EXOC3L4: variants seen among roughly 807,000 people sequenced by gnomAD.
The protein encoded by EXOC3L4 is exocyst complex component 3 like 4, also known as exocyst complex component 3-like protein 4.
Under a neutral mutation model 69.7 loss-of-function variants are expected in EXOC3L4, and 62 were observed. The ratio of observed to expected loss-of-function variants is 0.89; its 90% CI spans 0.72 to 1.10. The LOEUF is 1.10. Among genes scored for constraint, EXOC3L4 ranks in the 50% least tolerant of loss-of-function variants. EXOC3L4 has a pLI of 0.00. For missense variants in EXOC3L4, 1,087 were observed against 1,034.8 expected, an observed-to-expected ratio of 1.05 and a Z score of -0.69; for synonymous variants, 502 against 464.2, an observed-to-expected ratio of 1.08 and a Z score of -1.05.
intron 2 of EXOC3L4, 92 bp from the exon 3 acceptor site, chr14:103,102,026 C>A: frequency 7.5e-7 from 1 of 1,342,134 alleles, no homozygotes; most frequent in African/African-American, 1.5e-5. Flanking sequence ...GACAATCCAG[C>A]CCCGATGGAT....
chr14:103,095,144 C>A (rs1250993292), intron 1 of EXOC3L4, among the ~76,000 whole-genome samples: 1 of 152,222 alleles, frequency 6.6e-6, no homozygotes, highest in Non-Finnish European at 1.5e-5. Flanking sequence ...CATGCACATA[C>A]AGGGAGACAC....
Position 103,102,541 on chromosome 14 carries a change from C to T in EXOC3L4, c.818C>T (p.Ser273Leu), listed in dbSNP as rs549913822. Residue 273 changes from serine to leucine, a missense_variant, in exon 3 of 12, where the codon TCG (serine) becomes TTG (leucine). By Grantham distance (145) the Ser-to-Leu change is moderately radical (BLOSUM62 -2). Coordinates refer to ENST00000688303, the MANE Select transcript of EXOC3L4 (RefSeq NM_001077594.2). ...GCCTTCGGGGAGGCGGAGGGCGCGTCGGGTTTGGCCCAGCTTCTGGCCGAG... is the reference window on the plus strand; with the variant it reads ...GCCTTCGGGGAGGCGGAGGGCGCGTTGGGTTTGGCCCAGCTTCTGGCCGAG... ...GWAFGEAEGA[S>L]GLAQLLAELG... is the part of the protein sequence containing the mutation. 6 of 1,411,988 alleles carry T rather than the reference C, an allele frequency of 4.2e-6. No individual in the cohort carries two copies. The African/African-American group carries it at 6.0e-5, about 14-fold the overall frequency. 87.5% of individuals were successfully genotyped at this position (1,411,988 alleles called of 1,614,324 possible). A position where few individuals can be genotyped will look rare whatever the true frequency, so the allele number is the denominator to read the frequency against.
At chr14:103,101,377 C>T (rs1227785744) in intron 2 of EXOC3L4, among the ~76,000 whole-genome samples, 1 of 152,192 alleles carries the variant, frequency 6.6e-6, no homozygotes, top group Non-Finnish European at 1.5e-5. Context: ...TAAATTCTTG[C>T]AGCATCTCTG....
Position 103,102,142 on chromosome 14 carries a change from T to C in EXOC3L4, c.419T>C (p.Ile140Thr), listed in dbSNP as rs1204776274. The C allele has an allele frequency of 1.9e-6, 3 of 1,606,000 alleles. No homozygotes were observed. The highest frequency in any genetic ancestry group is 2.7e-5 in the African/African-American group (2 of 74,704). ...EAEGKSVADL[I>T]TERQLLAAFE... ...GAAGGCAAATCCGTGGCCGACCTCA[T>C]TACTGAACGGCAACTGCTGGCGGCC... is the stretch of plus-strand genomic sequence containing the variant. Residue 140 changes from isoleucine to threonine, a missense_variant, in exon 3 of 12, where the codon ATT becomes ACT. Transcript: ENST00000688303.
chr14:103,109,920 G>A, intron 11 of EXOC3L4, 111 bp from the exon 12 acceptor site: 1 of 1,184,188 alleles, frequency 8.4e-7, no homozygotes, highest in East Asian at 2.7e-5. Context: ...TGACCATCCT[G>A]GAATGCAGAG....
chr14:103,106,123 C>T (rs1173812615), intron 7 of EXOC3L4, among the ~76,000 whole-genome samples: 1 of 152,260 alleles, frequency 6.6e-6, no homozygotes, highest in Non-Finnish European at 1.5e-5. Flanking sequence ...TACCCACGCA[C>T]AGGTGCAGAG....
rs1358354757 is a variant in EXOC3L4 at position 103,103,368 on chromosome 14, A to AAAAAAAAAAG, written c.1050-570_1050-569insAAAAAAGAAA. On this transcript the variant is annotated intron_variant, in intron 3 of 11. Transcript: ENST00000688303. ...AGACTCTGTCTCAAAAAAAAAAAAA[A>AAAAAAAAAAG]AAAGAAAGAAAGAAAGAAAAGAAAA... 2.6e-4 allele frequency among the ~76,000 whole-genome samples: 38 copies of AAAAAAAAAAG among 146,106 alleles called. 1 individual carries two copies. The highest frequency in any genetic ancestry group is 4.9e-4 in the Non-Finnish European group (33 of 67,478).
rs1235184300 is a variant in EXOC3L4, at chr14:103,097,860, TC to T, written c.-16-2342del. ...AAGAAGCTGGGTGGGGTGCAGGTTG[TC>T]CGTGAACCCCAGGGGAAGCTGGTGA... On this transcript the variant is annotated intron_variant, in intron 1 of 11. Coordinates refer to ENST00000688303, the MANE Select transcript of EXOC3L4 (RefSeq NM_001077594.2). This position sits in a 1 kb window ranked among gnomAD's most constrained non-coding sequence, Gnocchi z 4.9. Among the ~76,000 whole-genome samples, 1 of 151,814 alleles carries T rather than the reference TC, an allele frequency of 6.6e-6. No homozygotes were observed. The highest frequency in any genetic ancestry group is 2.4e-5 in the African/African-American group (1 of 41,286).
chr14:103,107,506 C>T lies in EXOC3L4; in HGVS notation c.1664C>T (p.Ala555Val). Reference sequence around the variant, plus strand: ...CTCATGGACAAGGTGGTGACCTTCGCCGGTCATCTCCAGCGTGTGGCCCGG... The same window carrying T: ...CTCATGGACAAGGTGGTGACCTTCGTCGGTCATCTCCAGCGTGTGGCCCGG... ...HPLMDKVVTF[A>V]GHLQRVARPR... is the part of the protein sequence containing the mutation. The change falls in exon 9 of 12, where the codon GCC becomes GTC. Residue 555 changes from alanine (A) to valine (V), a missense_variant. Physicochemically the swap from Ala to Val is moderately conservative, Grantham distance 64. Transcript: ENST00000688303. 1.9e-6 allele frequency: 3 copies of T among 1,613,766 alleles called. No homozygotes were observed. Among genetic ancestry groups the T allele is most frequent in the Non-Finnish European group, 2.5e-6 (3 of 1,180,026 alleles).
rs927454407 is a variant in EXOC3L4, at chr14:103,104,315, C to G, written c.1210C>G (p.His404Asp). 6.3e-7 allele frequency: 1 copy of G among 1,594,390 alleles called. No individual in the cohort carries two copies. Among genetic ancestry groups the G allele is most frequent in the Non-Finnish European group, 8.5e-7 (1 of 1,172,382 alleles). The change falls in exon 5 of 12, where the codon CAC becomes GAC. Residue 404 changes from histidine (H) to aspartate (D), a missense_variant. By Grantham distance (81) the His-to-Asp change is moderately conservative (BLOSUM62 -1). Transcript: ENST00000688303. ...CAGCATCTTGCAGCTGGAGCAGAGT[C>G]ACTGGGCGGCCGCCGAGGTCCCCGA... ...FDSILQLEQS[H>D]WAAAEVPEVL...
rs1323551533 is a variant in EXOC3L4 at position 103,108,410 on chromosome 14, A to C, written c.1869A>C (p.Thr623=). The change falls in exon 11 of 12, where the codon ACA becomes ACC. Residue 623 remains threonine (T), a synonymous_variant. Coordinates refer to ENST00000688303, the MANE Select transcript of EXOC3L4 (RefSeq NM_001077594.2). ...DTFQGLGSEA[T]WLDQAIQCVA... ...CTGTCTCGCAGGGTTCCGAGGCCAC[A>C]TGGTTGGACCAAGCCATCCAGTGCG... 1 of 1,613,774 alleles carries C rather than the reference A, an allele frequency of 6.2e-7. No individual in the cohort carries two copies. The highest frequency in any genetic ancestry group is 8.5e-7 in the Non-Finnish European group (1 of 1,179,794).
chr14:103,105,745 C>T (rs1296849034), intron 7 of EXOC3L4, among the ~76,000 whole-genome samples: 4 of 152,330 alleles, frequency 2.6e-5, no homozygotes, highest in African/African-American at 4.8e-5. Flanking sequence ...GTTGGCCTTC[C>T]GTGCCCTCAG....
chr14:103,109,215 TC>T lies in EXOC3L4; in HGVS notation c.1976+701del, dbSNP rs200950040. Among the ~76,000 whole-genome samples, 86 of 39,092 alleles carry T rather than the reference TC, an allele frequency of 2.2e-3. 1 individual carries two copies. Among genetic ancestry groups the T allele is most frequent in the African/African-American group, 4.4e-3 (36 of 8,108 alleles). 25.6% of individuals were successfully genotyped at this position (39,092 alleles called of 152,430 possible). A position where few individuals can be genotyped will look rare whatever the true frequency, so the allele number is the denominator to read the frequency against. On this transcript the variant is annotated intron_variant, in intron 11 of 11. Coordinates refer to ENST00000688303, the MANE Select transcript of EXOC3L4 (RefSeq NM_001077594.2). ...TCGCCACCCTGTCCCCATGTCTCCCTCCCTCCCTCCCTCTCCACCCTGTCCC... is the reference window on the plus strand; with the variant it reads ...TCGCCACCCTGTCCCCATGTCTCCCTCCTCCCTCCCTCTCCACCCTGTCCC...
At position 103,102,708 on chromosome 14, in the gene EXOC3L4, C is replaced by T. The variant is rs1890277590; in HGVS notation, c.985C>T (p.Arg329Cys). The change falls in exon 3 of 12, where the codon CGC (arginine) becomes TGC (cysteine). Residue 329 changes from arginine to cysteine, a missense_variant. By Grantham distance (180) the Arg-to-Cys change is radical. Coordinates refer to ENST00000688303, the MANE Select transcript of EXOC3L4 (RefSeq NM_001077594.2). ...AVAQRLQELA[R>C]DARGCEQLYI... Reference sequence around the variant, plus strand: ...GGCCCAGCGCCTCCAGGAGCTCGCGCGCGACGCCCGCGGCTGCGAGCAGCT... The same window carrying T: ...GGCCCAGCGCCTCCAGGAGCTCGCGTGCGACGCCCGCGGCTGCGAGCAGCT... The T allele has an allele frequency of 2.1e-6, 3 of 1,458,914 alleles. No homozygotes were observed. Among genetic ancestry groups the T allele is most frequent in the Non-Finnish European group, 1.8e-6 (2 of 1,109,878 alleles). 90.4% of individuals were successfully genotyped at this position (1,458,914 alleles called of 1,614,324 possible).
intron 2 of EXOC3L4, 113 bp downstream of exon 2, chr14:103,100,726 C>T (rs1890142134): frequency 7.0e-6 from 9 of 1,291,738 alleles, no homozygotes; most frequent in South Asian, 1.6e-5. Context: ...ACCCTGCCCC[C>T]GAACATGTGC....
intron 7 of EXOC3L4, among the ~76,000 whole-genome samples, chr14:103,105,753 C>G (rs1282255442): frequency 6.6e-6 from 1 of 152,234 alleles, no homozygotes; most frequent in African/African-American, 2.4e-5. Context: ...TCCGTGCCCT[C>G]AGCTCCAGGC....
chr14:103,100,530 C>T lies in EXOC3L4; in HGVS notation c.311C>T (p.Pro104Leu), dbSNP rs1890122692. ...GCTACCGGCCATTCCCAGGCCACTC[C>T]TGAGGTGCCCTCGGGGGTCATGAAT... Reference protein sequence around the residue: ...GPATGHSQATPEVPSGVMNGV... With the variant: ...GPATGHSQATLEVPSGVMNGV... Residue 104 changes from proline to leucine, a missense_variant, in exon 2 of 12, where the codon CCT becomes CTT. Pro to Leu is a moderately conservative substitution (Grantham distance 98). Coordinates refer to ENST00000688303, the MANE Select transcript of EXOC3L4 (RefSeq NM_001077594.2). 6 of 1,612,874 alleles carry T rather than the reference C, an allele frequency of 3.7e-6. No individual in the cohort carries two copies. In the South Asian group the frequency reaches 5.5e-5, roughly 15 times the overall value.
At position 103,097,001 on chromosome 14, in the gene EXOC3L4, C is replaced by T. The variant is rs982163834; in HGVS notation, c.-17+2161C>T. Among the ~76,000 whole-genome samples, 3 of 152,064 alleles carry T rather than the reference C, an allele frequency of 2.0e-5. No individual in the cohort carries two copies. Among genetic ancestry groups the T allele is most frequent in the Non-Finnish European group, 2.9e-5 (2 of 68,018 alleles). On this transcript the variant is annotated intron_variant, in intron 1 of 11. Coordinates refer to ENST00000688303, the MANE Select transcript of EXOC3L4 (RefSeq NM_001077594.2). This position sits in a 1 kb window ranked among gnomAD's most constrained non-coding sequence, Gnocchi z 4.9. ...TCCTTTGGAGCGTTGAGGAGTGGAGCGATGGTCCAGTCCCAGCGTAGTTGG... is the reference window on the plus strand; with the variant it reads ...TCCTTTGGAGCGTTGAGGAGTGGAGTGATGGTCCAGTCCCAGCGTAGTTGG...
At chr14:103,099,458 G>A (rs75862237) in intron 1 of EXOC3L4, among the ~76,000 whole-genome samples, 1 of 152,172 alleles carries the variant, frequency 6.6e-6, no homozygotes, top group Non-Finnish European at 1.5e-5. Context: ...GGAGAGGAGT[G>A]GGGGGAGGAG....
Sources: gnomAD v4.1 joint callset for allele counts (sites outside exome capture counted in the v4.1 genomes callset) on GRCh38, gnomAD v4.1.1 for gene constraint, Gnocchi (gnomAD v3.1) non-coding constraint, MANE v1.5 for transcripts, NCBI Gene and HGNC (gene_info 2026-07-23, HGNC 2026-07-21) for gene names.